The following LAIR2 variants were observed in gnomAD, a reference collection of about 807,000 sequenced individuals.
LAIR2 encodes the protein leukocyte-associated immunoglobulin-like receptor 2.
A neutral mutation model predicts 14.8 loss-of-function variants in LAIR2; 14 were observed. The observed-to-expected ratio is 0.95, with a 90% CI of 0.62 to 1.48. LAIR2 has a LOEUF of 1.48. Among genes scored for constraint, LAIR2 ranks in the 40% most tolerant of loss-of-function variants. The pLI, the probability that LAIR2 is intolerant of heterozygous loss-of-function variation, is 0.00. For missense variants in LAIR2, 172 were observed against 180.9 expected (o/e 0.95, Z 0.28); for synonymous variants, 75 against 74.5 (o/e 1.01, Z -0.03).
chr19:54,504,802 G>T (rs1298057756), intron 2 of LAIR2, among the ~76,000 whole-genome samples: 7 of 152,100 alleles, frequency 4.6e-5, no homozygotes, highest in Non-Finnish European at 8.8e-5. Context: ...TAGAGATGGG[G>T]TTTCACCATG....
intron 1 of LAIR2, among the ~76,000 whole-genome samples, chr19:54,503,270 G>A (rs1289031662): frequency 1.8e-4 from 28 of 152,046 alleles, no homozygotes; most frequent in Non-Finnish European, 3.5e-4. Flanking sequence ...AGACCAGCCT[G>A]GCCAACGTGG....
intron 2 of LAIR2, among the ~76,000 whole-genome samples, chr19:54,507,598 G>T (rs1373200547): frequency 2.0e-5 from 3 of 152,228 alleles, no homozygotes; most frequent in African/African-American, 7.2e-5. Context: ...TCTGCAGCAG[G>T]CATGAAGGGC....
intron 2 of LAIR2, among the ~76,000 whole-genome samples, chr19:54,507,163 C>T (rs950648304): frequency 1.3e-5 from 2 of 151,074 alleles, no homozygotes; most frequent in Admixed American, 6.6e-5. Context: ...TGTTTCAGGG[C>T]GTCAAACCCG....
chr19:54,503,865 T>C (rs1568446511), intron 2 of LAIR2, 130 bp downstream of exon 2: 1 of 1,157,126 alleles, frequency 8.6e-7, no homozygotes, highest in Non-Finnish European at 1.3e-6. Context: ...TGCAAACTAT[T>C]CCAAATGTAA....
intron 2 of LAIR2, among the ~76,000 whole-genome samples, chr19:54,507,647 A>G (rs896394721): frequency 6.6e-6 from 1 of 152,240 alleles, no homozygotes; most frequent in African/African-American, 2.4e-5. Flanking sequence ...ACCCTGAGCA[A>G]GGCCCAAGTT....
In LAIR2 at chr19:54,510,663, A is replaced by G. The variant is rs1706548906; in HGVS notation, c.*94A>G. 7.0e-7 allele frequency: 1 copy of G among 1,425,238 alleles called. No individual in the cohort carries two copies. Among genetic ancestry groups the G allele is most frequent in the Non-Finnish European group, 9.9e-7 (1 of 1,011,240 alleles). 88.3% of individuals were successfully genotyped at this position (1,425,238 alleles called of 1,614,324 possible). ...TGCACAGATGCCTATACATACATAT[A>G]CAAATAAAAAGATACGATTCGCAAT... On this transcript the variant is annotated 3_prime_UTR_variant, in exon 5 of 5. Transcript: ENST00000301202.
intron 2 of LAIR2, among the ~76,000 whole-genome samples, chr19:54,504,407 T>C (rs1476931912): frequency 1.3e-5 from 2 of 152,216 alleles, no homozygotes; most frequent in African/African-American, 2.4e-5. Flanking sequence ...GATGAGAACA[T>C]TTAAAACCTA....
intron 3 of LAIR2, among the ~76,000 whole-genome samples, chr19:54,508,571 G>A (rs1391235897): frequency 6.6e-6 from 1 of 152,232 alleles, no homozygotes; most frequent in East Asian, 1.9e-4. Flanking sequence ...CACTGAGCCA[G>A]AACCTGCCCC....
rs75594349 is a variant in LAIR2 at position 54,504,534 on chromosome 19, G to C, written c.70+799G>C. Among the ~76,000 whole-genome samples the C allele has an allele frequency of 2.9e-3, 434 of 152,194 alleles. 2 individuals carry two copies. Among genetic ancestry groups the C allele is most frequent in the African/African-American group, 0.01 (419 of 41,504 alleles). On this transcript the variant is annotated intron_variant, in intron 2 of 4. Coordinates refer to ENST00000301202, the MANE Select transcript of LAIR2 (RefSeq NM_002288.6). ...ACCGAAACTTTGTACCATTTGATCA[G>C]TGTCTCTCCCAAGCCCCCCATTTCC...
At chr19:54,509,903 G>A (rs532329969) in intron 4 of LAIR2, among the ~76,000 whole-genome samples, 4 of 151,044 alleles carry the variant, frequency 2.6e-5, no homozygotes, top group African/African-American at 7.3e-5. Context: ...AGCCATTCGC[G>A]GCCCCTTCCC....
intron 4 of LAIR2, among the ~76,000 whole-genome samples, chr19:54,509,628 T>C (rs1412145188): frequency 2.1e-5 from 3 of 142,636 alleles, no homozygotes; most frequent in African/African-American, 7.8e-5. Flanking sequence ...GGGGGAGGCC[T>C]GAACGGTGGA....
chr19:54,510,610 G>C lies in LAIR2; in HGVS notation c.*41G>C. 2 of 1,609,646 alleles carry C rather than the reference G, an allele frequency of 1.2e-6. No homozygotes were observed. Among genetic ancestry groups the C allele is most frequent in the Non-Finnish European group, 1.7e-6 (2 of 1,175,916 alleles). ...CTCCCGTCTTGTGAACTTCAATGGG[G>C]AGAAATAATTAGAATGAGCAATAGA... On this transcript the variant is annotated 3_prime_UTR_variant, in exon 5 of 5. Coordinates refer to ENST00000301202, the MANE Select transcript of LAIR2 (RefSeq NM_002288.6).
chr19:54,507,976 G>C lies in LAIR2; in HGVS notation c.156G>C (p.Pro52=). The part of the protein sequence containing the change: ...GSHVTFMCRG[P]VGVQTFRLER... Reference sequence around the variant, plus strand: ...ATGTGACTTTCATGTGCCGGGGCCCGGTTGGGGTTCAAACATTCCGCCTGG... The same window carrying C: ...ATGTGACTTTCATGTGCCGGGGCCCCGTTGGGGTTCAAACATTCCGCCTGG... Residue 52 remains proline (P), a synonymous_variant, in exon 3 of 5, where the codon CCG becomes CCC. Coordinates refer to ENST00000301202, the MANE Select transcript of LAIR2 (RefSeq NM_002288.6). 1 of 1,614,132 alleles carries C rather than the reference G, an allele frequency of 6.2e-7. No homozygotes were observed. Among genetic ancestry groups the C allele is most frequent in the Non-Finnish European group, 8.5e-7 (1 of 1,179,996 alleles).
chr19:54,503,043 CT>C, intron 1 of LAIR2, 91 bp downstream of exon 1: 1 of 1,284,248 alleles, frequency 7.8e-7, no homozygotes, highest in African/African-American at 1.5e-5. Flanking sequence ...CCAGAAGATT[CT>C]GGGGAGGAAA....
At chr19:54,510,463 G>A (rs919326842) in intron 4 of LAIR2, 63 bp from the exon 5 acceptor site, 1 of 1,441,904 alleles carries the variant, frequency 6.9e-7, no homozygotes, top group East Asian at 2.3e-5. Context: ...CATCAGTGCT[G>A]ATTAGAAAAC....
chr19:54,503,646 C>A, intron 1 of LAIR2, 54 bp from the exon 2 acceptor site: 1 of 1,612,710 alleles, frequency 6.2e-7, no homozygotes, highest in Non-Finnish European at 8.5e-7. Context: ...TTGACAGCAG[C>A]CCTGTAAGGA....
rs542314917 is a variant in LAIR2, at chr19:54,508,331, C to G, written c.364+147C>G. 2.7e-4 allele frequency: 192 copies of G among 698,220 alleles called. 1 individual carries two copies. In the African/African-American group the frequency reaches 2.8e-3, roughly 10 times the overall value. 43.3% of individuals were successfully genotyped at this position (698,220 alleles called of 1,614,324 possible). On this transcript the variant is annotated intron_variant, in intron 3 of 4. Coordinates refer to ENST00000301202, the MANE Select transcript of LAIR2 (RefSeq NM_002288.6). ...CCCAAGCCCTCCCCTCCCCTTCTTC[C>G]TCTGCACACACCTCCCCTCTGCCCT...
Position 54,510,682 on chromosome 19 carries a change from T to A in LAIR2, c.*113T>A. On this transcript the variant is annotated 3_prime_UTR_variant, in exon 5 of 5. Transcript: ENST00000301202. The stretch of plus-strand genomic sequence containing the variant: ...ACATATACAAATAAAAAGATACGAT[T>A]CGCAATGGAGAATTTCAGACCTATC... 1 of 1,260,562 alleles carries A rather than the reference T, an allele frequency of 7.9e-7. No homozygotes were observed. The highest frequency in any genetic ancestry group is 1.8e-5 in the Admixed American group (1 of 54,696). The allele number at this position is 1,260,562 out of a possible 1,614,324, so 78.1% of individuals were successfully genotyped here.
chr19:54,509,740 C>T (rs1341308501), intron 4 of LAIR2, among the ~76,000 whole-genome samples: 1 of 151,284 alleles, frequency 6.6e-6, no homozygotes, highest in Non-Finnish European at 1.5e-5. Context: ...TGGCTCTGCC[C>T]TGGACTCTGT....
Sources: gnomAD v4.1 joint callset for allele counts (sites outside exome capture counted in the v4.1 genomes callset) on GRCh38, gnomAD v4.1.1 for gene constraint, MANE v1.5 for transcripts, NCBI Gene and HGNC (gene_info 2026-07-23, HGNC 2026-07-21) for gene names.